CCNJL: variants seen among roughly 807,000 people sequenced by gnomAD.
CCNJL encodes cyclin J like, also known as cyclin-J-like protein.
CCNJL carries 33 observed loss-of-function variants against 33.4 expected under a neutral mutation model. That is an observed-to-expected ratio of 0.99 (90% CI 0.75 to 1.32). The LOEUF (loss-of-function observed/expected upper bound fraction) is 1.32. CCNJL is among the 40% of genes most tolerant of loss of function. CCNJL has a pLI of 0.00. For missense variants in CCNJL, 512 were observed against 499.7 expected (o/e 1.02, Z -0.23); for synonymous variants, 227 against 220.9 (o/e 1.03, Z -0.24).
chr5:160,315,157 A>C (rs1763365127), upstream of CCNJL, among the ~76,000 whole-genome samples: 1 of 152,318 alleles, frequency 6.6e-6, no homozygotes, highest in Non-Finnish European at 1.5e-5. Context: ...GAATTGGAGA[A>C]AATGTTTATA....
At chr5:160,337,322 T>C (rs952054995) in intron 1 of CCNJL, among the ~76,000 whole-genome samples, 1 of 152,072 alleles carries the variant, frequency 6.6e-6, no homozygotes, top group African/African-American at 2.4e-5. Context: ...ACTTGGCTGC[T>C]GGGATTATTA....
At chr5:160,253,900 T>C (rs1450513505) in intron 5 of CCNJL, 102 bp from the exon 6 acceptor site, 2 of 855,262 alleles carry the variant, frequency 2.3e-6, no homozygotes, top group African/African-American at 1.7e-5. Flanking sequence ...GAGATGCGTG[T>C]GTCCTGTGTC....
chr5:160,305,090 A>G (rs887943275), intron 2 of CCNJL, among the ~76,000 whole-genome samples: 4 of 152,140 alleles, frequency 2.6e-5, no homozygotes, highest in African/African-American at 9.7e-5. Context: ...CTGGGATTAC[A>G]GGCATGAGCC....
At chr5:160,306,082 T>C (rs1763086768) in intron 2 of CCNJL, among the ~76,000 whole-genome samples, 1 of 152,022 alleles carries the variant, frequency 6.6e-6, no homozygotes. Context: ...GAGACCAGCC[T>C]GGCCAACATG....
chr5:160,293,122 C>G (rs1762639101), intron 2 of CCNJL, among the ~76,000 whole-genome samples: 1 of 152,184 alleles, frequency 6.6e-6, no homozygotes, highest in Non-Finnish European at 1.5e-5. Flanking sequence ...ATTTTCCTTT[C>G]AAAATAATGT....
At chr5:160,273,884 G>T (rs1761922333) in intron 3 of CCNJL, among the ~76,000 whole-genome samples, 1 of 151,684 alleles carries the variant, frequency 6.6e-6, no homozygotes, top group Non-Finnish European at 1.5e-5. Context: ...TCTGACCTCA[G>T]GTGATCCACC....
At chr5:160,326,537 C>A (rs1400158371) in intron 1 of CCNJL, among the ~76,000 whole-genome samples, 2 of 143,838 alleles carry the variant, frequency 1.4e-5, no homozygotes, top group East Asian at 2.1e-4. Flanking sequence ...GCAAGGCAAT[C>A]TCTAAAATAA....
intron 3 of CCNJL, among the ~76,000 whole-genome samples, chr5:160,261,549 G>A (rs575212429): frequency 4.5e-4 from 68 of 152,276 alleles, no homozygotes; most frequent in African/African-American, 1.6e-3. Flanking sequence ...GAGAGGAAGA[G>A]CCTCCTGCAT....
At chr5:160,305,766 T>C (rs373999202) in intron 2 of CCNJL, among the ~76,000 whole-genome samples, 3 of 152,220 alleles carry the variant, frequency 2.0e-5, no homozygotes, top group African/African-American at 7.2e-5. Flanking sequence ...TTCTTGTCTG[T>C]AAACTGGGGT....
intron 5 of CCNJL, chr5:160,254,525 C>T (rs1288221087): frequency 2.3e-6 from 1 of 435,876 alleles, no homozygotes; most frequent in East Asian, 3.5e-5. Flanking sequence ...GAGATAAAGA[C>T]AGCTGCCAGC....
At chr5:160,301,545 T>C (rs542651542) in intron 2 of CCNJL, among the ~76,000 whole-genome samples, 2 of 152,000 alleles carry the variant, frequency 1.3e-5, no homozygotes, top group South Asian at 4.2e-4. Context: ...GCGATTCTTC[T>C]GCCTCGGCTT....
At chr5:160,311,381 CTTTATA>C (rs1197850705) in intron 2 of CCNJL, among the ~76,000 whole-genome samples, 1 of 152,084 alleles carries the variant, frequency 6.6e-6, no homozygotes, top group East Asian at 1.9e-4. Context: ...TACCACTTAT[CTTTATA>C]TAGAGTTACT....
chr5:160,330,603 A>T (rs1417088494), intron 1 of CCNJL, among the ~76,000 whole-genome samples: 1 of 151,948 alleles, frequency 6.6e-6, no homozygotes, highest in East Asian at 1.9e-4. Flanking sequence ...GTCACCCCTG[A>T]TTGCTTGAGG....
chr5:160,336,444 G>A (rs973897482), intron 1 of CCNJL, among the ~76,000 whole-genome samples: 2 of 152,238 alleles, frequency 1.3e-5, no homozygotes, highest in African/African-American at 4.8e-5. Context: ...GTCAAGGAAT[G>A]CTGATGGCCA....
At chr5:160,272,065 A>C (rs1761855281) in intron 3 of CCNJL, among the ~76,000 whole-genome samples, 1 of 152,234 alleles carries the variant, frequency 6.6e-6, no homozygotes, top group African/African-American at 2.4e-5. Context: ...AGAGCCGTGG[A>C]GGCATCTCAA....
At chr5:160,306,348 T>C (rs2113444359) in intron 2 of CCNJL, among the ~76,000 whole-genome samples, 1 of 147,494 alleles carries the variant, frequency 6.8e-6, no homozygotes, top group African/African-American at 2.5e-5. Context: ...CTTCAGGAAG[T>C]GGGAAAAAAT....
intron 2 of CCNJL, among the ~76,000 whole-genome samples, chr5:160,306,670 T>A (rs1000451154): frequency 2.0e-5 from 3 of 152,206 alleles, no homozygotes; most frequent in Admixed American, 2.0e-4. Flanking sequence ...CTTACTAACA[T>A]AACTATTTCC....
At chr5:160,307,979 T>G (rs13362118) in intron 2 of CCNJL, among the ~76,000 whole-genome samples, 73,413 of 151,964 alleles carry the variant, frequency 0.48, 19,011 homozygotes, top group African/African-American at 0.67. Flanking sequence ...TCACTCCTGG[T>G]TCCCAGCCCT....
chr5:160,266,811 C>A (rs1054031664), intron 3 of CCNJL, among the ~76,000 whole-genome samples: 1 of 152,184 alleles, frequency 6.6e-6, no homozygotes, highest in Non-Finnish European at 1.5e-5. Context: ...GGCTCCCCTA[C>A]CCTTACCCGA....
Sources: allele counts gnomAD v4.1 joint callset (sites outside exome capture counted in the v4.1 genomes callset), GRCh38; gene constraint gnomAD v4.1.1; transcripts MANE v1.5; gene names NCBI Gene and HGNC (gene_info 2026-07-23, HGNC 2026-07-21).